Variants in RASA1 observed in about 807,000 individuals in gnomAD.
The protein encoded by RASA1 is ras GTPase-activating protein 1.
RASA1 carries 25 observed loss-of-function variants against 132.2 expected under a neutral mutation model. The ratio of observed to expected loss-of-function variants is 0.19; its 90% CI spans 0.14 to 0.26. The LOEUF (loss-of-function observed/expected upper bound fraction) is 0.26, where lower values mean the gene tolerates loss of function less well. Ranked by LOEUF, RASA1 falls within the 10% of genes least tolerant of loss-of-function variation. The pLI is 1.00. For missense variants in RASA1, 964 were observed against 1,299.2 expected, an observed-to-expected ratio of 0.74 and a Z score of 3.97; for synonymous variants, 477 against 449.9, an observed-to-expected ratio of 1.06 and a Z score of -0.76.
At chr5:87,356,560 T>G (rs920006319) in intron 9 of RASA1, among the ~76,000 whole-genome samples, 2 of 152,082 alleles carry the variant, frequency 1.3e-5, no homozygotes, top group Non-Finnish European at 2.9e-5. Context: ...TAGCTAATAT[T>G]TTTTGTAGAG....
intron 13 of RASA1, among the ~76,000 whole-genome samples, chr5:87,372,837 A>G (rs910809869): frequency 6.6e-6 from 1 of 152,188 alleles, no homozygotes; most frequent in Non-Finnish European, 1.5e-5. Context: ...TTACTAACCA[A>G]AGTGTCTCCT....
rs533419701 is a variant in RASA1, at chr5:87,388,141, A to ATTACT, written c.2925+1242_2926-1244dup. 6.6e-5 allele frequency among the ~76,000 whole-genome samples: 10 copies of ATTACT among 152,298 alleles called. No homozygotes were observed. In the South Asian group the frequency reaches 1.9e-3, roughly 28 times the overall value. ...TGATATATAATTCTGTGTTGCTATG[A>ATTACT]TTACTTTATTCTAAAGTCCTTTCTA... On this transcript the variant is annotated intron_variant, in intron 23 of 24. Coordinates refer to ENST00000274376, the MANE Select transcript of RASA1 (RefSeq NM_002890.3).
At position 87,267,944 on chromosome 5, in the gene RASA1, T is replaced by G. The variant is rs1753638522; in HGVS notation, c.-508T>G. The G allele has an allele frequency of 2.7e-4, 75 of 282,738 alleles. No individual in the cohort carries two copies. Among genetic ancestry groups the G allele is most frequent in the East Asian group, 5.8e-4 (10 of 17,124 alleles). The allele number at this position is 282,738 out of a possible 1,614,324, so 17.5% of individuals were successfully genotyped here. ...GATTTCCTCGTTACCCCGCCCCCCT[T>G]TCTCTTGCCCCCCCACCCCTCTCAT... On this transcript the variant is annotated 5_prime_UTR_variant, in exon 1 of 25. Coordinates refer to ENST00000274376, the MANE Select transcript of RASA1 (RefSeq NM_002890.3).
At chr5:87,315,172 A>C (rs35148638) in intron 1 of RASA1, among the ~76,000 whole-genome samples, 31,907 of 152,228 alleles carry the variant, frequency 0.21, 3,915 homozygotes, top group East Asian at 0.45. Context: ...CTTCAGTCTT[A>C]GTCCATTTTC....
At chr5:87,305,558 T>C (rs1423413418) in intron 1 of RASA1, among the ~76,000 whole-genome samples, 1 of 152,166 alleles carries the variant, frequency 6.6e-6, no homozygotes. Flanking sequence ...GGCAGTACCA[T>C]TCAGGACATA....
chr5:87,345,655 T>G (rs75181855), intron 6 of RASA1, among the ~76,000 whole-genome samples: 1,818 of 152,304 alleles, frequency 0.012, 28 homozygotes, highest in African/African-American at 0.041. Flanking sequence ...TGTGAAAATT[T>G]AAAAATTCAG....
At chr5:87,358,649 T>A (rs112105758) in intron 9 of RASA1, among the ~76,000 whole-genome samples, 3,058 of 152,310 alleles carry the variant, frequency 0.02, 99 homozygotes, top group African/African-American at 0.067. Flanking sequence ...TCTGTTTTAA[T>A]ACTTGAAAAT....
intron 1 of RASA1, among the ~76,000 whole-genome samples, chr5:87,307,410 G>A (rs1755667000): frequency 6.6e-6 from 1 of 152,102 alleles, no homozygotes; most frequent in African/African-American, 2.4e-5. Flanking sequence ...GCAGTGAGCC[G>A]AGATCGTGCC....
chr5:87,378,591 GTAA>G, intron 18 of RASA1, 53 bp downstream of exon 18: 11 of 1,497,290 alleles, frequency 7.3e-6, no homozygotes, highest in East Asian at 2.4e-5. Flanking sequence ...ATTTTAATAG[GTAA>G]TAATTTGTAG....
chr5:87,379,121 T>A (rs558015268), intron 18 of RASA1, among the ~76,000 whole-genome samples: 15 of 152,318 alleles, frequency 9.8e-5, no homozygotes, highest in African/African-American at 3.6e-4. Flanking sequence ...AAGGAATTGT[T>A]TTTGACAATG....
intron 1 of RASA1, among the ~76,000 whole-genome samples, chr5:87,278,262 ATGGGCCGGGCGCAG>A (rs1371845102): frequency 6.6e-6 from 1 of 151,972 alleles, no homozygotes; most frequent in African/African-American, 2.4e-5. Context: ...AATAAGACAG[ATGGGCCGGGCGCAG>A]TGGCTCACTC....
Position 87,383,732 on chromosome 5 carries a change from C to T in RASA1, c.2710C>T (p.Leu904Phe). 1 of 1,607,514 alleles carries T rather than the reference C, an allele frequency of 6.2e-7. No homozygotes were observed. Among genetic ancestry groups the T allele is most frequent in the Non-Finnish European group, 8.5e-7 (1 of 1,177,318 alleles). ...RVVSGFVFLR[L>F]ICPAILNPRM... ...ATTCAGTGGTTTTGTTTTTCTTCGA[C>T]TCATCTGTCCTGCCATCCTGAATCC... The change falls in exon 21 of 25, where the codon CTC (leucine) becomes TTC (phenylalanine). Residue 904 changes from leucine to phenylalanine, a missense_variant. By Grantham distance (22) the Leu-to-Phe change is conservative. Transcript: ENST00000274376.
At chr5:87,307,434 C>G (rs1357359973) in intron 1 of RASA1, among the ~76,000 whole-genome samples, 1 of 151,868 alleles carries the variant, frequency 6.6e-6, no homozygotes, top group African/African-American at 2.4e-5. Flanking sequence ...GCACTCCAGC[C>G]TGGGCAACAG....
intron 1 of RASA1, among the ~76,000 whole-genome samples, chr5:87,282,444 G>A (rs1048609941): frequency 6.6e-6 from 1 of 152,092 alleles, no homozygotes; most frequent in East Asian, 1.9e-4. Context: ...ACTTGAATTG[G>A]TGTTCCCCTA....
intron 1 of RASA1, among the ~76,000 whole-genome samples, chr5:87,308,322 C>G (rs566710709): frequency 6.6e-6 from 1 of 151,902 alleles, no homozygotes; most frequent in East Asian, 1.9e-4. Context: ...CTGAATGGCA[C>G]CTTCTTTAGG....
chr5:87,278,273 G>A (rs531774613), intron 1 of RASA1, among the ~76,000 whole-genome samples: 14 of 152,090 alleles, frequency 9.2e-5, no homozygotes, highest in African/African-American at 2.9e-4. Context: ...TGGGCCGGGC[G>A]CAGTGGCTCA....
intron 2 of RASA1, 117 bp downstream of exon 2, chr5:87,331,617 T>A (rs1220074150): frequency 1.8e-6 from 2 of 1,133,164 alleles, no homozygotes; most frequent in Non-Finnish European, 2.6e-6. Context: ...AGAAGGAAGC[T>A]TGTTTTCAGT....
chr5:87,342,162 C>CTTTTTTTTTT (rs531793273), intron 6 of RASA1, among the ~76,000 whole-genome samples: 1 of 139,788 alleles, frequency 7.2e-6, no homozygotes, highest in Non-Finnish European at 1.6e-5. Flanking sequence ...GTTATTTTTT[C>CTTTTTTTTTT]TTTTTTTTTT....
rs552890984 is a variant in RASA1, at chr5:87,284,861, T to G, written c.539+15871T>G. On this transcript the variant is annotated intron_variant, in intron 1 of 24. Transcript: ENST00000274376. Reference sequence around the variant, plus strand: ...TTGTATGGTCATTGAGATCAAAATCTTTTTATCATGAAGCTGTTTTTGAAA... The same window carrying G: ...TTGTATGGTCATTGAGATCAAAATCGTTTTATCATGAAGCTGTTTTTGAAA... Among the ~76,000 whole-genome samples the G allele has an allele frequency of 7.2e-5, 11 of 152,226 alleles. No individual in the cohort carries two copies. The South Asian group carries it at 2.3e-3, about 32-fold the overall frequency.
Sources: gnomAD v4.1 joint callset for allele counts (sites outside exome capture counted in the v4.1 genomes callset) on GRCh38, gnomAD v4.1.1 for gene constraint, MANE v1.5 for transcripts, NCBI Gene and HGNC (gene_info 2026-07-23, HGNC 2026-07-21) for gene names.